SMC5: variants seen among roughly 807,000 people sequenced by gnomAD.
The protein encoded by SMC5 is structural maintenance of chromosomes protein 5.
A neutral mutation model predicts 148.3 loss-of-function variants in SMC5; 88 were observed. The ratio of observed to expected loss-of-function variants is 0.59; its 90% CI spans 0.50 to 0.71. The LOEUF (loss-of-function observed/expected upper bound fraction) is 0.71. SMC5 is among the 30% of genes least tolerant of loss of function. The pLI is 0.00. For missense variants in SMC5, 1,142 were observed against 1,298.9 expected (o/e 0.88, Z 1.86); for synonymous variants, 421 against 432.8 (o/e 0.97, Z 0.34).
chr9:70,297,302 C>T (rs2035227538), intron 8 of SMC5, among the ~76,000 whole-genome samples: 1 of 152,208 alleles, frequency 6.6e-6, no homozygotes, highest in Admixed American at 6.5e-5. Context: ...CTCAGCCACC[C>T]ATGTGGATGA....
At chr9:70,284,359 A>G (rs537177174) in intron 7 of SMC5, among the ~76,000 whole-genome samples, 12 of 152,336 alleles carry the variant, frequency 7.9e-5, no homozygotes, top group South Asian at 4.1e-4. Flanking sequence ...TATCTAGACA[A>G]GCCCCCTCAT....
In SMC5 at chr9:70,339,361, G is replaced by A. The variant is rs190112414; in HGVS notation, c.2398-4783G>A. 4.0e-4 allele frequency among the ~76,000 whole-genome samples: 61 copies of A among 151,194 alleles called. 1 individual carries two copies. Among genetic ancestry groups the A allele is most frequent in the African/African-American group, 1.4e-3 (58 of 41,194 alleles). ...GGAGAATGGCGTGAATCTGGGAGGC[G>A]GAGCTTGCAGTGAGCCGAGATCACA... On this transcript the variant is annotated intron_variant, in intron 17 of 24. Coordinates refer to ENST00000361138, the MANE Select transcript of SMC5 (RefSeq NM_015110.4).
At chr9:70,343,147 C>CTTT (rs11438728) in intron 17 of SMC5, among the ~76,000 whole-genome samples, 25 of 141,620 alleles carry the variant, frequency 1.8e-4, no homozygotes, top group African/African-American at 5.0e-4. Context: ...CTTTCAGTCT[C>CTTT]TTTTTTTTTT....
At chr9:70,322,192 C>A (rs1303178592) in intron 15 of SMC5, among the ~76,000 whole-genome samples, 1 of 152,150 alleles carries the variant, frequency 6.6e-6, no homozygotes, top group Non-Finnish European at 1.5e-5. Context: ...TCTATTTAGT[C>A]TAGCTTCCTA....
At chr9:70,306,080 A>G (rs1360686703) in intron 11 of SMC5, among the ~76,000 whole-genome samples, 1 of 152,210 alleles carries the variant, frequency 6.6e-6, no homozygotes, top group Non-Finnish European at 1.5e-5. Flanking sequence ...TTGTTATATA[A>G]CCTACATAAT....
intron 2 of SMC5, 80 bp from the exon 3 acceptor site, chr9:70,267,843 A>G (rs2034333403): frequency 7.7e-7 from 1 of 1,294,834 alleles, no homozygotes; most frequent in Non-Finnish European, 1.1e-6. Flanking sequence ...TGATTTGACA[A>G]ATAATAATGA....
intron 1 of SMC5, among the ~76,000 whole-genome samples, chr9:70,260,110 A>G (rs534117823): frequency 6.6e-6 from 1 of 151,520 alleles, no homozygotes; most frequent in East Asian, 2.0e-4. Context: ...ACGCCCGGCT[A>G]GTTTTTGTTT....
intron 15 of SMC5, among the ~76,000 whole-genome samples, 179 bp downstream of exon 15, chr9:70,319,142 A>G (rs954476520): frequency 5.3e-5 from 8 of 152,184 alleles, no homozygotes; most frequent in African/African-American, 1.9e-4. Context: ...ATGAATCTTG[A>G]GTGTTGCAAG....
At chr9:70,267,278 G>T (rs2034315145) in intron 2 of SMC5, among the ~76,000 whole-genome samples, 1 of 151,998 alleles carries the variant, frequency 6.6e-6, no homozygotes, top group Non-Finnish European at 1.5e-5. Flanking sequence ...CTTATTTATA[G>T]CCTGATTTAA....
Position 70,351,188 on chromosome 9 carries a change from C to CA in SMC5, c.3165+725dup, listed in dbSNP as rs1405561133. On this transcript the variant is annotated intron_variant, in intron 24 of 24. Transcript: ENST00000361138. ...GCAACATGGCAAAACCCCATCTCTA[C>CA]AAAAAAAATACAAAAATTAGCTGGA... 3.3e-5 allele frequency among the ~76,000 whole-genome samples: 5 copies of CA among 151,424 alleles called. No homozygotes were observed. In the South Asian group the frequency reaches 8.4e-4, roughly 25 times the overall value.
intron 17 of SMC5, among the ~76,000 whole-genome samples, chr9:70,343,336 A>G (rs2036573220): frequency 6.6e-6 from 1 of 152,180 alleles, no homozygotes; most frequent in Non-Finnish European, 1.5e-5. Flanking sequence ...AATGCGGATT[A>G]TAATACTGGC....
intron 11 of SMC5, among the ~76,000 whole-genome samples, chr9:70,308,330 G>T (rs1026300914): frequency 6.6e-6 from 1 of 152,028 alleles, no homozygotes; most frequent in African/African-American, 2.4e-5. Flanking sequence ...CTGTGGCCGG[G>T]CGCGGTGGCT....
intron 16 of SMC5, 139 bp from the exon 17 acceptor site, chr9:70,323,881 GA>G (rs760883444): frequency 1.4e-5 from 12 of 869,548 alleles, no homozygotes; most frequent in Non-Finnish European, 2.0e-5. Flanking sequence ...ATTGTTACAA[GA>G]ACTGTTTGAG....
chr9:70,305,749 A>G (rs1217301258), intron 11 of SMC5, among the ~76,000 whole-genome samples: 1 of 152,152 alleles, frequency 6.6e-6, no homozygotes, highest in East Asian at 1.9e-4. Context: ...GTTGCTTATT[A>G]ATATAAATAA....
In SMC5 at chr9:70,314,310, A is replaced by G. The variant is rs139487552; in HGVS notation, c.1579-432A>G. 4.9e-3 allele frequency among the ~76,000 whole-genome samples: 753 copies of G among 152,280 alleles called. 5 individuals are homozygous for G. Among genetic ancestry groups the G allele is most frequent in the African/African-American group, 0.014 (569 of 41,548 alleles). On this transcript the variant is annotated intron_variant, in intron 11 of 24. Coordinates refer to ENST00000361138, the MANE Select transcript of SMC5 (RefSeq NM_015110.4). ...ATAAACACAAATCTCACCTAGTGCT[A>G]TTCTTTCAGATGTCAACTCCCTTCC...
chr9:70,269,589 A>T (rs1263682734), intron 3 of SMC5, among the ~76,000 whole-genome samples: 1 of 152,144 alleles, frequency 6.6e-6, no homozygotes, highest in African/African-American at 2.4e-5. Context: ...TGCAAAAAAA[A>T]CAAAAACAAA....
At position 70,259,239 on chromosome 9, in the gene SMC5, T is replaced by A; in HGVS notation, c.161T>A (p.Val54Asp). 6.3e-7 allele frequency: 1 copy of A among 1,595,824 alleles called. No homozygotes were observed. The highest frequency in any genetic ancestry group is 8.5e-7 in the Non-Finnish European group (1 of 1,170,584). ...SSGPFVEGSI[V>D]RISMENFLTY... is the part of the protein sequence containing the mutation. Reference sequence around the variant, plus strand: ...GGGCCTTTCGTGGAAGGCTCTATCGTCCGCATCTCGATGGAGAACTTCCTG... The same window carrying A: ...GGGCCTTTCGTGGAAGGCTCTATCGACCGCATCTCGATGGAGAACTTCCTG... The change falls in exon 1 of 25, where the codon GTC (valine) becomes GAC (aspartate). Residue 54 changes from valine to aspartate, a missense_variant. Transcript: ENST00000361138.
At chr9:70,302,677 T>G (rs1587665955) in intron 10 of SMC5, among the ~76,000 whole-genome samples, 1 of 151,974 alleles carries the variant, frequency 6.6e-6, no homozygotes, top group East Asian at 1.9e-4. Context: ...CTTATAAGAA[T>G]AAATAAATAA....
intron 11 of SMC5, among the ~76,000 whole-genome samples, chr9:70,309,658 G>A (rs1042089174): frequency 6.6e-6 from 1 of 152,066 alleles, no homozygotes; most frequent in Admixed American, 6.6e-5. Context: ...CAGCAATTCA[G>A]TTACATCTTT....
Sources: gnomAD v4.1 joint callset for allele counts (sites outside exome capture counted in the v4.1 genomes callset) on GRCh38, gnomAD v4.1.1 for gene constraint, MANE v1.5 for transcripts, NCBI Gene and HGNC (gene_info 2026-07-23, HGNC 2026-07-21) for gene names.